The following MAPK10 variants were observed in gnomAD, a reference collection of about 807,000 sequenced individuals.
MAPK10 encodes mitogen-activated protein kinase 10, also known as JNK3 alpha protein kinase.
Under a neutral mutation model 59.3 loss-of-function variants are expected in MAPK10, and 25 were observed. The ratio of observed to expected loss-of-function variants is 0.42; its 90% confidence interval spans 0.31 to 0.59. MAPK10 has a LOEUF of 0.59. Ranked by LOEUF, MAPK10 falls within the 20% of genes least tolerant of loss-of-function variation. MAPK10 has a pLI of 0.15. For missense variants in MAPK10, 351 were observed against 568.9 expected (o/e 0.62, Z 3.90); for synonymous variants, 190 against 200.5 (o/e 0.95, Z 0.44).
chr4:86,301,016 A>C (rs1409380752), intron 2 of MAPK10, among the ~76,000 whole-genome samples: 1 of 152,046 alleles, frequency 6.6e-6, no homozygotes, highest in Non-Finnish European at 1.5e-5. Flanking sequence ...AAAAGAGCTT[A>C]ATTTCCTAAC....
At chr4:86,183,340 A>T (rs138714649) in intron 3 of MAPK10, among the ~76,000 whole-genome samples, 1 of 134,440 alleles carries the variant, frequency 7.4e-6, no homozygotes, top group South Asian at 2.4e-4. Flanking sequence ...CTTCCTGTGT[A>T]CATGTGTTCT....
chr4:86,575,992 T>C (rs111647019), intron 1 of MAPK10, among the ~76,000 whole-genome samples: 1 of 139,526 alleles, frequency 7.2e-6, no homozygotes, highest in African/African-American at 2.6e-5. Flanking sequence ...ATATTGTGTG[T>C]GTATGCGTGT....
chr4:86,443,458 A>G (rs549596468), intron 1 of MAPK10, among the ~76,000 whole-genome samples: 18 of 152,046 alleles, frequency 1.2e-4, no homozygotes, highest in South Asian at 1.0e-3. Flanking sequence ...AAAAGAAAAT[A>G]CCCAACTCCA....
chr4:86,399,413 G>A (rs1216370677), intron 1 of MAPK10, among the ~76,000 whole-genome samples: 1 of 152,138 alleles, frequency 6.6e-6, no homozygotes, highest in Non-Finnish European at 1.5e-5. Flanking sequence ...CTTTTGAAAA[G>A]TAACTGCTTA....
chr4:86,587,965 T>C (rs1358876111), intron 1 of MAPK10, among the ~76,000 whole-genome samples: 4 of 152,142 alleles, frequency 2.6e-5, no homozygotes, highest in Admixed American at 2.0e-4. Flanking sequence ...CGCTGTGTAG[T>C]ATGGCTGTGC....
intron 2 of MAPK10, among the ~76,000 whole-genome samples, chr4:86,208,966 T>G (rs2084998768): frequency 6.6e-6 from 1 of 152,066 alleles, no homozygotes; most frequent in Non-Finnish European, 1.5e-5. Flanking sequence ...AGTTAGTATA[T>G]AAGACACTAA....
At chr4:86,528,754 C>T (rs1368540038) in intron 1 of MAPK10, among the ~76,000 whole-genome samples, 1 of 152,206 alleles carries the variant, frequency 6.6e-6, no homozygotes, top group African/African-American at 2.4e-5. Context: ...CCAAACTTTC[C>T]TGGTGAACGG....
intron 4 of MAPK10, among the ~76,000 whole-genome samples, chr4:86,157,273 G>C (rs1205577554): frequency 6.6e-6 from 1 of 151,854 alleles, no homozygotes; most frequent in Non-Finnish European, 1.5e-5. Flanking sequence ...TGACATAATA[G>C]GTATCCATAT....
Position 86,064,267 on chromosome 4 carries a change from G to A in MAPK10, c.1109C>T (p.Ala370Val), listed in dbSNP as rs1007459726. The A allele has an allele frequency of 3.7e-6, 6 of 1,613,746 alleles. No individual in the cohort carries two copies. The highest frequency in any genetic ancestry group is 2.2e-5 in the East Asian group (1 of 44,868). The change falls in exon 11 of 14, where the codon GCG (alanine) becomes GTG (valine). Residue 370 changes from alanine (A) to valine (V), a missense_variant and splice_region_variant. By Grantham distance (64) the Ala-to-Val change is moderately conservative (BLOSUM62 0). Coordinates refer to ENST00000641462, the MANE Select transcript of MAPK10 (RefSeq NM_138982.4). ...NVWYDPAEVE[A>V]PPPQIYDKQL... is the part of the protein sequence containing the mutation. ...AAGTAAAGGCAGCCTATTTCTTACC[G>A]CCTCCACTTCGGCTGGGTCATACCA... is the stretch of plus-strand genomic sequence containing the variant.
chr4:86,219,595 T>C (rs1433502652), intron 2 of MAPK10, among the ~76,000 whole-genome samples: 1 of 152,150 alleles, frequency 6.6e-6, no homozygotes, highest in Non-Finnish European at 1.5e-5. Context: ...TATGGAAATA[T>C]ATCTCTTATT....
chr4:86,022,968 T>C (rs959303219), intron 13 of MAPK10, among the ~76,000 whole-genome samples: 5 of 152,120 alleles, frequency 3.3e-5, no homozygotes, highest in Non-Finnish European at 7.4e-5. Flanking sequence ...TATCTGTTGT[T>C]TCTTTTATCA....
At chr4:86,226,395 G>A (rs2090624159) in intron 2 of MAPK10, among the ~76,000 whole-genome samples, 1 of 152,120 alleles carries the variant, frequency 6.6e-6, no homozygotes, top group Non-Finnish European at 1.5e-5. Flanking sequence ...AAATACAATG[G>A]GACATATAAA....
At chr4:86,291,573 T>G (rs2095228684) in intron 2 of MAPK10, among the ~76,000 whole-genome samples, 1 of 152,148 alleles carries the variant, frequency 6.6e-6, no homozygotes, top group African/African-American at 2.4e-5. Flanking sequence ...CTTTGGCATT[T>G]CAAAATGAGA....
chr4:86,541,584 ACT>A (rs1758700005), intron 1 of MAPK10, among the ~76,000 whole-genome samples: 1 of 152,200 alleles, frequency 6.6e-6, no homozygotes, highest in African/African-American at 2.4e-5. Flanking sequence ...ACAGAGTTGC[ACT>A]GAACTAGTGA....
chr4:86,150,432 T>A (rs1323318164), intron 4 of MAPK10, among the ~76,000 whole-genome samples: 3 of 152,138 alleles, frequency 2.0e-5, no homozygotes, highest in Admixed American at 1.3e-4. Context: ...AAATCTCACT[T>A]GTACTTCACA....
At chr4:86,072,404 C>T (rs990158076) in intron 9 of MAPK10, among the ~76,000 whole-genome samples, 12 of 146,708 alleles carry the variant, frequency 8.2e-5, no homozygotes, top group Non-Finnish European at 1.2e-4. Context: ...TGTCTAATTG[C>T]CCTGGCCAGA....
chr4:86,475,898 C>T (rs893352298), intron 1 of MAPK10, among the ~76,000 whole-genome samples: 1 of 152,120 alleles, frequency 6.6e-6, no homozygotes, highest in African/African-American at 2.4e-5. Context: ...TCAACTCACA[C>T]CTGACCTAAA....
At chr4:86,067,978 A>G (rs2047061013) in intron 9 of MAPK10, 23 bp from the exon 10 acceptor site, 2 of 1,541,700 alleles carry the variant, frequency 1.3e-6, no homozygotes, top group South Asian at 1.2e-5. Flanking sequence ...CAGTTAAGGG[A>G]AAAAAGAAGA....
upstream of MAPK10, among the ~76,000 whole-genome samples, chr4:86,455,957 T>A (rs945319441): frequency 6.6e-6 from 1 of 152,108 alleles, no homozygotes; most frequent in African/African-American, 2.4e-5. Flanking sequence ...TATCAAGCAT[T>A]CTCTCAGACC....
Sources: allele counts gnomAD v4.1 joint callset (sites outside exome capture counted in the v4.1 genomes callset), GRCh38; gene constraint gnomAD v4.1.1; transcripts MANE v1.5; gene names NCBI Gene and HGNC (gene_info 2026-07-23, HGNC 2026-07-21).